RRM2: variants seen among roughly 807,000 people sequenced by gnomAD.
RRM2 encodes ribonucleotide reductase regulatory subunit M2.
A neutral mutation model predicts 45.9 loss-of-function variants in RRM2; 6 were observed. The observed-to-expected ratio is 0.13, with a 90% confidence interval of 0.07 to 0.26. RRM2 has a LOEUF of 0.26. RRM2 is among the 10% of genes least tolerant of loss of function. The probability of loss-of-function intolerance (pLI) is 1.00; values close to 1 mark genes in which losing one functional copy is unlikely to be tolerated. For synonymous variants in RRM2, 177 were observed against 173.0 expected, an observed-to-expected ratio of 1.02 and a Z score of -0.18; for missense variants, 343 against 489.5, an observed-to-expected ratio of 0.70 and a Z score of 2.82.
chr2:10,210,580 C>A (rs1387642696), exon 4 of RRM2: 5 of 1,365,716 alleles, frequency 3.7e-6, no homozygotes, highest in Non-Finnish European at 4.9e-6. Flanking sequence ...CATTCTCAGA[C>A]CCCCCAGGGC....
chr2:10,128,671 A>G (rs4668664), intron 7 of RRM2, among the ~76,000 whole-genome samples, 177 bp from the exon 8 acceptor site: 113,334 of 152,148 alleles, frequency 0.74, 43,427 homozygotes, highest in African/African-American at 0.9. Flanking sequence ...TTGCCTTGGT[A>G]GTGACATCAG....
At chr2:10,178,082 C>G (rs573694092) in intron 3 of RRM2, among the ~76,000 whole-genome samples, 1 of 151,726 alleles carries the variant, frequency 6.6e-6, no homozygotes, top group Non-Finnish European at 1.5e-5. Context: ...CCAACACGCC[C>G]GGCTAATTTT....
At position 10,181,737 on chromosome 2, in the gene RRM2, G is replaced by GCT. The variant is rs777161408; in HGVS notation, n.483-28557_483-28556dup. Reference sequence around the variant, plus strand: ...TGTGCTCAATCTGACAGACTGCACAGCTCTCTCTCTCTCTCTCTTTTTTTT... The same window carrying GCT: ...TGTGCTCAATCTGACAGACTGCACAGCTCTCTCTCTCTCTCTCTCTTTTTTTT... On this transcript the variant is annotated intron_variant and non_coding_transcript_variant, in intron 3 of 3. Coordinates refer to the RRM2 transcript ENST00000381786. Among the ~76,000 whole-genome samples the GCT allele has an allele frequency of 9.1e-3, 1,141 of 124,972 alleles. 24 individuals carry two copies. Among genetic ancestry groups the GCT allele is most frequent in the East Asian group, 0.024 (104 of 4,340 alleles). The allele number at this position is 124,972 out of a possible 152,430, so 82.0% of individuals were successfully genotyped here.
intron 3 of RRM2, among the ~76,000 whole-genome samples, chr2:10,177,726 C>CCT (rs1359253442): frequency 4.2e-5 from 6 of 142,936 alleles, no homozygotes; most frequent in Non-Finnish European, 9.2e-5. Flanking sequence ...TCCCTCCCTC[C>CCT]CTCTCTCTCT....
Position 10,127,942 on chromosome 2 carries a change from G to A in RRM2, c.798+722G>A, listed in dbSNP as rs980851301. Among the ~76,000 whole-genome samples, 2 of 151,862 alleles carry A rather than the reference G, an allele frequency of 1.3e-5. No homozygotes were observed. Among genetic ancestry groups the A allele is most frequent in the East Asian group, 2.0e-4 (1 of 5,114 alleles). On this transcript the variant is annotated intron_variant, in intron 7 of 9. Transcript: ENST00000304567. This position sits in a 1 kb window ranked among gnomAD's most constrained non-coding sequence, Gnocchi z 4.1. The stretch of plus-strand genomic sequence containing the variant: ...AGCACTTTGGTAGGCCGAGGCGGGT[G>A]GATCATGAGGTCAGGAGATTGAGAC...
At chr2:10,182,593 G>C (rs1664084016) in intron 3 of RRM2, among the ~76,000 whole-genome samples, 1 of 152,206 alleles carries the variant, frequency 6.6e-6, no homozygotes, top group African/African-American at 2.4e-5. Context: ...AGCCCAAGGA[G>C]TTCGAGGCTA....
Position 10,172,245 on chromosome 2 carries a change from C to T in RRM2, n.482+29870C>T, listed in dbSNP as rs1333897636. ...TGGGTGCTGAGGCCCACCTGTCTGGCGAGGGTCTGGGGGAGGTCGGATGAG... is the reference window on the plus strand; with the variant it reads ...TGGGTGCTGAGGCCCACCTGTCTGGTGAGGGTCTGGGGGAGGTCGGATGAG... On this transcript the variant is annotated intron_variant and non_coding_transcript_variant, in intron 3 of 3. Transcript: ENST00000381786. This position sits in a 1 kb window ranked among gnomAD's most constrained non-coding sequence, Gnocchi z 4.9. Among the ~76,000 whole-genome samples, 2 of 152,012 alleles carry T rather than the reference C, an allele frequency of 1.3e-5. No homozygotes were observed. The highest frequency in any genetic ancestry group is 2.4e-5 in the African/African-American group (1 of 41,368).
At chr2:10,194,142 AT>A (rs1664365391) in intron 3 of RRM2, among the ~76,000 whole-genome samples, 1 of 152,208 alleles carries the variant, frequency 6.6e-6, no homozygotes, top group Non-Finnish European at 1.5e-5. Flanking sequence ...GGAAAAGAAG[AT>A]TTTACTTGGT....
chr2:10,158,042 T>C (rs1330731040), intron 3 of RRM2, among the ~76,000 whole-genome samples: 1 of 152,202 alleles, frequency 6.6e-6, no homozygotes, highest in Non-Finnish European at 1.5e-5. Flanking sequence ...AGAGCATTAT[T>C]GGGTACTCAC....
intron 5 of RRM2, 158 bp from the exon 6 acceptor site, chr2:10,126,717 C>A: frequency 1.5e-6 from 1 of 649,080 alleles, no homozygotes. Flanking sequence ...AAAAACTGAC[C>A]AGTAAAAATA....
intron 3 of RRM2, among the ~76,000 whole-genome samples, chr2:10,147,492 G>T (rs988785867): frequency 1.3e-5 from 2 of 151,374 alleles, no homozygotes; most frequent in African/African-American, 4.9e-5. Flanking sequence ...TGTTGCCCAG[G>T]CAACAAGCAA....
upstream of RRM2, among the ~76,000 whole-genome samples, chr2:10,138,683 C>T (rs1434190730): frequency 1.3e-5 from 2 of 152,238 alleles, no homozygotes; most frequent in African/African-American, 4.8e-5. Flanking sequence ...CACATCACTG[C>T]TCTCAGCCTC....
chr2:10,146,257 C>G (rs924901331), intron 3 of RRM2: 1 of 152,260 alleles, frequency 6.6e-6, no homozygotes, highest in African/African-American at 2.4e-5. Flanking sequence ...CTCCAGAGCC[C>G]CCTCTCTTTT....
At chr2:10,124,875 G>A in intron 5 of RRM2, 25 bp downstream of exon 5, 1 of 1,578,820 alleles carries the variant, frequency 6.3e-7, no homozygotes, top group African/African-American at 1.4e-5. Context: ...GGTATGCCAA[G>A]ATTTTTAGGA....
At chr2:10,136,240 A>G (rs961978258), downstream of RRM2, among the ~76,000 whole-genome samples, 30 of 152,340 alleles carry the variant, frequency 2.0e-4, no homozygotes, top group African/African-American at 5.3e-4. Flanking sequence ...TAAAGGGCAG[A>G]GGGGTTGAGG....
chr2:10,187,053 C>T (rs1339888559), intron 3 of RRM2, among the ~76,000 whole-genome samples: 1 of 152,254 alleles, frequency 6.6e-6, no homozygotes, highest in Non-Finnish European at 1.5e-5. Context: ...TGCAGCCCCG[C>T]TCTGTGGGGC....
chr2:10,137,328 G>T (rs912546179), upstream of RRM2, among the ~76,000 whole-genome samples: 5 of 152,310 alleles, frequency 3.3e-5, no homozygotes, highest in African/African-American at 1.2e-4. Flanking sequence ...GCCCCATGCT[G>T]GTCCGCCCAA....
At chr2:10,173,920 G>C (rs374370462) in intron 3 of RRM2, among the ~76,000 whole-genome samples, 5 of 152,184 alleles carry the variant, frequency 3.3e-5, no homozygotes, top group East Asian at 1.9e-4. Context: ...TGTGCTCCGT[G>C]GGGGGCGTGA....
chr2:10,172,609 G>A lies in RRM2; in HGVS notation n.482+30234G>A, dbSNP rs892851493. On this transcript the variant is annotated intron_variant and non_coding_transcript_variant, in intron 3 of 3. Transcript: ENST00000381786. The surrounding 1 kb of genome is among the most constrained non-coding windows in gnomAD (Gnocchi z 4.9). Reference sequence around the variant, plus strand: ...ACCTGTGCCCTTTCCCCAGCCCTCCGCATGGCATTAGAGAACATTCGCCTC... The same window carrying A: ...ACCTGTGCCCTTTCCCCAGCCCTCCACATGGCATTAGAGAACATTCGCCTC... 3.3e-5 allele frequency among the ~76,000 whole-genome samples: 5 copies of A among 152,058 alleles called. No individual in the cohort carries two copies. Among genetic ancestry groups the A allele is most frequent in the East Asian group, 1.9e-4 (1 of 5,190 alleles).
Sources: gnomAD v4.1 joint callset for allele counts (sites outside exome capture counted in the v4.1 genomes callset) on GRCh38, gnomAD v4.1.1 for gene constraint, Gnocchi (gnomAD v3.1) non-coding constraint, MANE v1.5 for transcripts, NCBI Gene and HGNC (gene_info 2026-07-23, HGNC 2026-07-21) for gene names.